Variants in SPON2 observed in about 807,000 individuals in gnomAD.
The protein encoded by SPON2 is spondin-2.
In SPON2, 32 loss-of-function variants were observed where a neutral mutation model predicts 29.9. The ratio of observed to expected loss-of-function variants is 1.07; its 90% CI spans 0.81 to 1.44. The LOEUF (loss-of-function observed/expected upper bound fraction) is 1.44. SPON2 is among the 40% of genes most tolerant of loss of function. The pLI, the probability that SPON2 is intolerant of heterozygous loss-of-function variation, is 0.00. For missense variants in SPON2, 541 were observed against 455.5 expected (o/e 1.19, Z -1.71); for synonymous variants, 248 against 209.1 (o/e 1.19, Z -1.61).
intron 1 of SPON2, among the ~76,000 whole-genome samples, chr4:1,204,479 T>C (rs1728291134): frequency 6.6e-6 from 1 of 152,242 alleles, no homozygotes; most frequent in African/African-American, 2.4e-5. Context: ...TTGGCGTGTC[T>C]GTAATGCCTG....
At chr4:1,183,665 ACAT>A (rs1727740681) in intron 1 of SPON2, among the ~76,000 whole-genome samples, 2 of 152,348 alleles carry the variant, frequency 1.3e-5, no homozygotes, top group South Asian at 4.1e-4. Flanking sequence ...TAATTTTGTG[ACAT>A]CAGCAACTGA....
upstream of SPON2, among the ~76,000 whole-genome samples, chr4:1,195,712 C>T (rs1179373034): frequency 6.6e-6 from 1 of 152,060 alleles, no homozygotes; most frequent in Non-Finnish European, 1.5e-5. Flanking sequence ...TGCCCCAGAC[C>T]CCCCACCCCG....
At chr4:1,182,652 G>A (rs1727719861) in intron 1 of SPON2, among the ~76,000 whole-genome samples, 1 of 152,140 alleles carries the variant, frequency 6.6e-6, no homozygotes, top group Non-Finnish European at 1.5e-5. Context: ...GACTGAAAGA[G>A]TCAGGAGAAC....
rs1286308256 is a variant in SPON2 at position 1,179,446 on chromosome 4, A to T, written c.-145+2T>A. The T allele has an allele frequency of 6.6e-6, 1 of 152,150 alleles. No individual in the cohort carries two copies. Among genetic ancestry groups the T allele is most frequent in the Non-Finnish European group, 1.5e-5 (1 of 68,020 alleles). The allele number at this position is 152,150 out of a possible 1,614,324, so 9.4% of individuals were successfully genotyped here. On this transcript the variant is annotated splice_donor_variant, in intron 2 of 3. Transcript: ENST00000502483. LOFTEE classifies it low-confidence loss of function (5UTR_SPLICE). ...CATTTTCAGTGACACTTGCCATAGT[A>T]CCTTTTTCTATCCACGTTAAGATGT...
intron 5 of SPON2, 153 bp from the exon 6 acceptor site, chr4:1,167,809 C>G: frequency 5.4e-6 from 4 of 735,360 alleles, no homozygotes; most frequent in Non-Finnish European, 8.3e-6. Context: ...GCAGAGTGAG[C>G]GGCAAGATGG....
At chr4:1,194,518 T>TGTGGGACAGGGCG (rs1727996215) in intron 1 of SPON2, among the ~76,000 whole-genome samples, 1 of 152,134 alleles carries the variant, frequency 6.6e-6, no homozygotes, top group Admixed American at 6.5e-5. Context: ...GGCAGGGCTG[T>TGTGGGACAGGGCG]GTGGGACAGG....
rs759761145 is a variant in SPON2 at position 1,167,648 on chromosome 4, T to A, written c.820A>T (p.Thr274Ser). Residue 274 changes from threonine (T) to serine (S), a missense_variant, in exon 6 of 6, where the codon ACG (threonine) becomes TCG (serine). Transcript: ENST00000290902. ...AGGGAGACCTCGCAGTCCAGCGGCGTTTCTGGAACTGGACCAAGCAAAGGG... is the reference window on the plus strand; with the variant it reads ...AGGGAGACCTCGCAGTCCAGCGGCGATTCTGGAACTGGACCAAGCAAAGGG... ...EIVDSASVPE[T>S]PLDCEVSLWS... 1.2e-6 allele frequency: 2 copies of A among 1,604,664 alleles called. No homozygotes were observed. The highest frequency in any genetic ancestry group is 4.5e-5 in the East Asian group (2 of 44,596).
chr4:1,187,462 T>G (rs1477163413), intron 1 of SPON2, among the ~76,000 whole-genome samples: 11 of 152,220 alleles, frequency 7.2e-5, no homozygotes, highest in Admixed American at 7.2e-4. Flanking sequence ...TTATACATGA[T>G]GAATGTTTTT....
intron 1 of SPON2, 31 bp from the exon 2 acceptor site, chr4:1,172,105 TG>T: frequency 2.5e-6 from 4 of 1,585,888 alleles, no homozygotes; most frequent in East Asian, 4.5e-5. Flanking sequence ...AGCCGCGCGC[TG>T]GCACCGTCGT....
intron 1 of SPON2, among the ~76,000 whole-genome samples, chr4:1,187,784 T>C (rs1277194649): frequency 6.6e-6 from 1 of 152,134 alleles, no homozygotes; most frequent in Non-Finnish European, 1.5e-5. Context: ...AGCACAGATG[T>C]CTAATCATCA....
upstream of SPON2, among the ~76,000 whole-genome samples, chr4:1,173,892 T>C: frequency 6.6e-6 from 1 of 152,212 alleles, no homozygotes; most frequent in East Asian, 1.9e-4. Flanking sequence ...ATCTGAGGAC[T>C]CCTTCATACT....
intron 1 of SPON2, chr4:1,201,519 C>T (rs561324505): frequency 1.8e-5 from 3 of 169,236 alleles, no homozygotes; most frequent in Non-Finnish European, 2.6e-5. Context: ...GCCTTCACCC[C>T]GTCTGCACCC....
In SPON2 at chr4:1,167,670, AG is replaced by A; in HGVS notation, c.812-15del. 1 of 1,573,178 alleles carries A rather than the reference AG, an allele frequency of 6.4e-7. No homozygotes were observed. ...GCGTTTCTGGAACTGGACCAAGCAA[AG>A]GGGAGACCGAGGTGAACGCTCGCGT... is the stretch of plus-strand genomic sequence containing the variant. On this transcript the variant is annotated splice_polypyrimidine_tract_variant and intron_variant, in intron 5 of 5. Coordinates refer to ENST00000290902, the MANE Select transcript of SPON2 (RefSeq NM_012445.4).
chr4:1,187,625 A>G (rs1483546060), intron 1 of SPON2, among the ~76,000 whole-genome samples: 3 of 152,198 alleles, frequency 2.0e-5, no homozygotes, highest in Non-Finnish European at 4.4e-5. Flanking sequence ...TACAATTAAT[A>G]TCTTAATTTA....
chr4:1,175,539 A>G (rs1441901336), upstream of SPON2, among the ~76,000 whole-genome samples: 1 of 150,830 alleles, frequency 6.6e-6, no homozygotes, highest in African/African-American at 2.4e-5. Flanking sequence ...TCCAGCTAGG[A>G]TGTGGGTGGT....
chr4:1,207,526 C>T (rs979911843), intron 1 of SPON2, among the ~76,000 whole-genome samples: 5 of 151,658 alleles, frequency 3.3e-5, no homozygotes, highest in African/African-American at 1.2e-4. Flanking sequence ...TTTCCATGTG[C>T]CGCGCTTACA....
intron 1 of SPON2, among the ~76,000 whole-genome samples, chr4:1,186,218 T>G (rs1727801283): frequency 7.1e-6 from 1 of 140,966 alleles, no homozygotes; most frequent in South Asian, 2.2e-4. Flanking sequence ...TACTCCAGCT[T>G]GGGTGACAGA....
intron 1 of SPON2, among the ~76,000 whole-genome samples, chr4:1,187,161 A>G (rs996482553): frequency 1.1e-4 from 17 of 152,248 alleles, no homozygotes; most frequent in African/African-American, 4.1e-4. Context: ...TAAGCAGAAT[A>G]TTATTTAGCC....
chr4:1,205,015 G>A lies in SPON2; in HGVS notation c.-234+2865C>T, dbSNP rs1183267448. On this transcript the variant is annotated intron_variant, in intron 1 of 3. Coordinates refer to the SPON2 transcript ENST00000509233. ...TCTAATCAGTTTTCCGGGTCTATGAGGAGTCGCAGCAGGCTGTGCTCGGGT... is the reference window on the plus strand; with the variant it reads ...TCTAATCAGTTTTCCGGGTCTATGAAGAGTCGCAGCAGGCTGTGCTCGGGT... The A allele has an allele frequency of 2.0e-5, 3 of 152,280 alleles. No individual in the cohort carries two copies. The East Asian group carries it at 5.8e-4, about 29-fold the overall frequency. 9.4% of individuals were successfully genotyped at this position (152,280 alleles called of 1,614,324 possible).
Sources: gnomAD v4.1 joint callset for allele counts (sites outside exome capture counted in the v4.1 genomes callset) on GRCh38, gnomAD v4.1.1 for gene constraint, MANE v1.5 for transcripts, NCBI Gene and HGNC (gene_info 2026-07-23, HGNC 2026-07-21) for gene names.